AGFG1: variants seen among roughly 807,000 people sequenced by gnomAD.
AGFG1 encodes arf-GAP domain and FG repeat-containing protein 1.
Under a neutral mutation model 60.6 loss-of-function variants are expected in AGFG1, and 10 were observed. That is an observed-to-expected ratio of 0.16 (90% CI 0.10 to 0.28). AGFG1 has a LOEUF of 0.28. Ranked by LOEUF, AGFG1 falls within the 10% of genes least tolerant of loss-of-function variation. The pLI, the probability that AGFG1 is intolerant of heterozygous loss-of-function variation, is 1.00. For synonymous variants in AGFG1, 247 were observed against 242.9 expected, an observed-to-expected ratio of 1.02 and a Z score of -0.16; for missense variants, 537 against 676.5, an observed-to-expected ratio of 0.79 and a Z score of 2.29.
At chr2:227,541,491 T>G (rs4973240) in intron 10 of AGFG1, among the ~76,000 whole-genome samples, 114,380 of 152,102 alleles carry the variant, frequency 0.75, 43,127 homozygotes, top group South Asian at 0.84. Context: ...GTTTGTCAAA[T>G]ATCAGATGGT....
chr2:227,539,148 A>G (rs1692403740), intron 10 of AGFG1, among the ~76,000 whole-genome samples: 1 of 152,164 alleles, frequency 6.6e-6, no homozygotes, highest in South Asian at 2.1e-4. Flanking sequence ...TTGCCTTCAA[A>G]TACATTAACA....
chr2:227,541,195 T>TTA (rs1392029779), intron 10 of AGFG1, among the ~76,000 whole-genome samples: 1 of 152,208 alleles, frequency 6.6e-6, no homozygotes, highest in Non-Finnish European at 1.5e-5. Context: ...GCTCTTTGGT[T>TTA]TAATTAGATC....
chr2:227,527,560 G>T (rs1208801690), intron 5 of AGFG1, among the ~76,000 whole-genome samples: 1 of 152,150 alleles, frequency 6.6e-6, no homozygotes, highest in Non-Finnish European at 1.5e-5. Context: ...CTTAAACAGT[G>T]TAAAAGCATA....
In AGFG1 at chr2:227,487,792, A is replaced by T. The variant is rs1368488290; in HGVS notation, c.168-3755A>T. Reference sequence around the variant, plus strand: ...AGACTACTCATTTTCATTGCAACTCATCACTCTGAATGCTACTTAAGACAT... The same window carrying T: ...AGACTACTCATTTTCATTGCAACTCTTCACTCTGAATGCTACTTAAGACAT... On this transcript the variant is annotated intron_variant, in intron 1 of 12. Coordinates refer to ENST00000310078, the MANE Select transcript of AGFG1 (RefSeq NM_004504.5). 2.6e-5 allele frequency among the ~76,000 whole-genome samples: 4 copies of T among 152,338 alleles called. No homozygotes were observed. In the East Asian group the frequency reaches 7.7e-4, roughly 29 times the overall value.
chr2:227,512,670 GTTAATA>G (rs1691530505), intron 2 of AGFG1, among the ~76,000 whole-genome samples: 2 of 152,216 alleles, frequency 1.3e-5, no homozygotes, highest in East Asian at 3.9e-4. Context: ...TTTACTGTTT[GTTAATA>G]TTTATTTTTG....
At chr2:227,544,150 T>C (rs1352020176) in intron 10 of AGFG1, among the ~76,000 whole-genome samples, 58 of 33,866 alleles carry the variant, frequency 1.7e-3, no homozygotes, top group East Asian at 0.011. Context: ...CTGTGTCTTT[T>C]TTTTTTTTTT....
intron 2 of AGFG1, among the ~76,000 whole-genome samples, chr2:227,517,259 A>G (rs1691678803): frequency 1.3e-5 from 2 of 152,160 alleles, no homozygotes; most frequent in Non-Finnish European, 2.9e-5. Flanking sequence ...GGAAGGAACC[A>G]CAAGAAATAT....
chr2:227,550,181 C>G (rs1243838159), intron 10 of AGFG1: 2 of 359,300 alleles, frequency 5.6e-6, no homozygotes, highest in African/African-American at 4.4e-5. Context: ...TGCTAGTGTT[C>G]TGGATCCCTG....
At chr2:227,484,680 T>G (rs1475318839) in intron 1 of AGFG1, among the ~76,000 whole-genome samples, 4 of 9,196 alleles carry the variant, frequency 4.3e-4, no homozygotes, top group African/African-American at 1.3e-3. Context: ...TCTCTTAGTT[T>G]TTTTTTTGTT....
chr2:227,496,294 A>G (rs936548117), intron 2 of AGFG1, among the ~76,000 whole-genome samples: 2 of 152,098 alleles, frequency 1.3e-5, no homozygotes, highest in Admixed American at 1.3e-4. Flanking sequence ...CCTTGTTAAC[A>G]TTCATGATTG....
chr2:227,525,697 T>C (rs930456066), intron 5 of AGFG1, among the ~76,000 whole-genome samples: 3 of 152,248 alleles, frequency 2.0e-5, no homozygotes, highest in African/African-American at 4.8e-5. Flanking sequence ...TGGTGCCCTG[T>C]AACAAGTTCC....
intron 1 of AGFG1, among the ~76,000 whole-genome samples, chr2:227,488,653 A>G (rs1690708928): frequency 1.3e-5 from 2 of 152,208 alleles, no homozygotes; most frequent in Non-Finnish European, 2.9e-5. Context: ...TCCTTTGCGA[A>G]TTGTTTTGGG....
intron 1 of AGFG1, among the ~76,000 whole-genome samples, chr2:227,482,560 A>G (rs1470711568): frequency 6.6e-6 from 1 of 152,222 alleles, no homozygotes; most frequent in Non-Finnish European, 1.5e-5. Flanking sequence ...CTAAATGTCA[A>G]CTTTATTACT....
rs1324855253 is a variant in AGFG1, at chr2:227,534,826, T to C, written c.1025-19T>C. ...GTAACTTTAAATTTTTGGTGTAACT[T>C]GATTTTGTTCGTTCCCAGGTGGTGA... On this transcript the variant is annotated intron_variant, in intron 7 of 12. Transcript: ENST00000310078. 11 of 1,605,664 alleles carry C rather than the reference T, an allele frequency of 6.9e-6. No homozygotes were observed. Among genetic ancestry groups the C allele is most frequent in the Non-Finnish European group, 8.5e-6 (10 of 1,175,596 alleles).
chr2:227,510,158 G>T (rs942571354), intron 2 of AGFG1, among the ~76,000 whole-genome samples: 2 of 152,056 alleles, frequency 1.3e-5, no homozygotes, highest in African/African-American at 4.8e-5. Context: ...GTTGAGGGGG[G>T]TAGGGAGGGG....
chr2:227,484,677 GTTTTTTTTTTGT>G (rs1690567434), intron 1 of AGFG1, among the ~76,000 whole-genome samples: 2 of 115,908 alleles, frequency 1.7e-5, no homozygotes, highest in African/African-American at 3.3e-5. Flanking sequence ...AGATCTCTTA[GTTTTTTTTTTGT>G]TTTTTTTTTT....
At chr2:227,477,782 G>GT (rs1690329790) in intron 1 of AGFG1, among the ~76,000 whole-genome samples, 1 of 151,674 alleles carries the variant, frequency 6.6e-6, no homozygotes, top group South Asian at 2.1e-4. Flanking sequence ...AATTTTTTTT[G>GT]TATTTTTAGT....
At chr2:227,477,647 C>T (rs1237262626) in intron 1 of AGFG1, among the ~76,000 whole-genome samples, 1 of 151,952 alleles carries the variant, frequency 6.6e-6, no homozygotes, top group Admixed American at 6.6e-5. Context: ...CACTCGTCAC[C>T]CAGGCTGGAG....
chr2:227,545,011 C>A (rs1189501448), intron 10 of AGFG1, among the ~76,000 whole-genome samples: 1 of 152,166 alleles, frequency 6.6e-6, no homozygotes, highest in African/African-American at 2.4e-5. Flanking sequence ...GCTTGCCTTG[C>A]TATATTGGGG....
Sources: allele counts gnomAD v4.1 joint callset (sites outside exome capture counted in the v4.1 genomes callset), GRCh38; gene constraint gnomAD v4.1.1; transcripts MANE v1.5; gene names NCBI Gene and HGNC (gene_info 2026-07-23, HGNC 2026-07-21).